Variants in CNOT6 observed in about 807,000 individuals in gnomAD.
The protein encoded by CNOT6 is carbon catabolite repression 4 protein.
A neutral mutation model predicts 61.2 loss-of-function variants in CNOT6; 12 were observed. The observed-to-expected ratio is 0.20, with a 90% CI of 0.13 to 0.32. CNOT6 has a LOEUF of 0.32. CNOT6 is among the 10% of genes least tolerant of loss of function. The probability of loss-of-function intolerance (pLI) is 1.00; values close to 1 mark genes in which losing one functional copy is unlikely to be tolerated. For synonymous variants in CNOT6, 225 were observed against 240.6 expected (o/e 0.94, Z 0.60); for missense variants, 405 against 663.9 (o/e 0.61, Z 4.28).
intron 1 of CNOT6, among the ~76,000 whole-genome samples, chr5:180,518,336 C>G (rs6899301): frequency 0.17 from 25,696 of 151,984 alleles, 2,273 homozygotes; most frequent in Non-Finnish European, 0.19. Context: ...TTTGATTGGC[C>G]ATTTTACAAA....
chr5:180,553,318 A>G (rs1759713942), intron 3 of CNOT6, 68 bp from the exon 4 acceptor site: 5 of 1,058,482 alleles, frequency 4.7e-6, no homozygotes, highest in Non-Finnish European at 7.3e-6. Flanking sequence ...CCTAGAAACT[A>G]TGTTGTTGAT....
At chr5:180,563,388 TTG>T (rs1760289278) in intron 4 of CNOT6, among the ~76,000 whole-genome samples, 4 of 42,726 alleles carry the variant, frequency 9.4e-5, no homozygotes, top group Admixed American at 3.2e-4. Context: ...CTGTTTTTTT[TTG>T]TTTGTTTTTG....
At chr5:180,502,970 T>C (rs1174262462) in intron 1 of CNOT6, among the ~76,000 whole-genome samples, 1 of 152,214 alleles carries the variant, frequency 6.6e-6, no homozygotes, top group Non-Finnish European at 1.5e-5. Context: ...ATTATGACAA[T>C]GATAACTATA....
Position 180,522,256 on chromosome 5 carries a change from T to C in CNOT6, c.-2-7019T>C, listed in dbSNP as rs558938868. ...CCTCCCAAGTAGCTGGGACCACAGG[T>C]ACATGCCACCATGCTGGCTAATTTT... On this transcript the variant is annotated intron_variant, in intron 1 of 11. Transcript: ENST00000261951. Among the ~76,000 whole-genome samples the C allele has an allele frequency of 2.0e-5, 3 of 152,146 alleles. No homozygotes were observed. The South Asian group carries it at 6.2e-4, about 32-fold the overall frequency.
At chr5:180,540,003 A>AACTT (rs1237724073) in intron 2 of CNOT6, among the ~76,000 whole-genome samples, 116 of 152,138 alleles carry the variant, frequency 7.6e-4, no homozygotes, top group African/African-American at 2.7e-3. Flanking sequence ...CAACTGTGGG[A>AACTT]ACTTGCTTTC....
chr5:180,513,191 C>G (rs957011552), intron 1 of CNOT6, among the ~76,000 whole-genome samples: 4 of 151,682 alleles, frequency 2.6e-5, no homozygotes, highest in African/African-American at 9.7e-5. Context: ...GCCACTGCAC[C>G]CGGCCATTTA....
intron 1 of CNOT6, among the ~76,000 whole-genome samples, chr5:180,518,433 C>A (rs1447882613): frequency 6.6e-6 from 1 of 151,586 alleles, no homozygotes; most frequent in Non-Finnish European, 1.5e-5. Context: ...TGCAACACTT[C>A]AGTAGATAGA....
chr5:180,549,118 A>G (rs1759461829), intron 2 of CNOT6, among the ~76,000 whole-genome samples: 1 of 152,172 alleles, frequency 6.6e-6, no homozygotes, highest in Non-Finnish European at 1.5e-5. Context: ...CTGCTTAGCC[A>G]TGTGGTTCTT....
intron 2 of CNOT6, among the ~76,000 whole-genome samples, chr5:180,537,533 G>A (rs1301935267): frequency 6.6e-6 from 1 of 151,910 alleles, no homozygotes; most frequent in Non-Finnish European, 1.5e-5. Context: ...ATGCGGATAT[G>A]TCTTTTGCAA....
intron 4 of CNOT6, among the ~76,000 whole-genome samples, chr5:180,553,715 C>T (rs2127748881): frequency 6.6e-6 from 1 of 152,072 alleles, no homozygotes; most frequent in Admixed American, 6.5e-5. Flanking sequence ...TTTAATAAAC[C>T]CTGTGTTCTG....
chr5:180,570,117 G>C (rs1760669165), intron 10 of CNOT6, among the ~76,000 whole-genome samples: 1 of 152,136 alleles, frequency 6.6e-6, no homozygotes, highest in Admixed American at 6.6e-5. Context: ...CAGCACTTTG[G>C]GGGGCCCAGG....
chr5:180,568,147 A>G (rs1025874223), intron 9 of CNOT6, 144 bp downstream of exon 9: 40 of 721,540 alleles, frequency 5.5e-5, no homozygotes, highest in Non-Finnish European at 7.7e-5. Flanking sequence ...CCTAAAATGT[A>G]TCTCTTTTTC....
chr5:180,539,324 A>AT (rs1758893462), intron 2 of CNOT6, among the ~76,000 whole-genome samples: 1 of 151,414 alleles, frequency 6.6e-6, no homozygotes. Flanking sequence ...CTCCTCCTTA[A>AT]ATTTTTTTTT....
chr5:180,558,955 A>C (rs1324451376), intron 4 of CNOT6, among the ~76,000 whole-genome samples: 1 of 152,184 alleles, frequency 6.6e-6, no homozygotes, highest in Non-Finnish European at 1.5e-5. Context: ...TCGATTTTTA[A>C]TATGATTTCA....
At chr5:180,515,795 T>A (rs558901289) in intron 1 of CNOT6, among the ~76,000 whole-genome samples, 1 of 152,296 alleles carries the variant, frequency 6.6e-6, no homozygotes, top group Non-Finnish European at 1.5e-5. Context: ...CCTCTGTTGC[T>A]CTTTGTTTTC....
chr5:180,572,792 G>C (rs1760817869), intron 11 of CNOT6, among the ~76,000 whole-genome samples: 2 of 151,952 alleles, frequency 1.3e-5, no homozygotes, highest in African/African-American at 4.8e-5. Flanking sequence ...CTGGCCTCAA[G>C]CAATCCTCCT....
chr5:180,541,583 C>T (rs1759045722), intron 2 of CNOT6, among the ~76,000 whole-genome samples: 1 of 150,580 alleles, frequency 6.6e-6, no homozygotes, highest in African/African-American at 2.4e-5. Flanking sequence ...TCCCGAGTAG[C>T]TGGGACTAAC....
chr5:180,532,796 A>C (rs765648221), intron 2 of CNOT6, among the ~76,000 whole-genome samples: 1 of 152,066 alleles, frequency 6.6e-6, no homozygotes, highest in Admixed American at 6.5e-5. Flanking sequence ...GGGTTCAGTT[A>C]ATTTGCTGGA....
chr5:180,572,690 C>G (rs143610422), intron 11 of CNOT6, among the ~76,000 whole-genome samples: 1 of 151,976 alleles, frequency 6.6e-6, no homozygotes, highest in African/African-American at 2.4e-5. Context: ...ACTTGGACTA[C>G]AGGTGTCCGC....
Sources: allele counts gnomAD v4.1 joint callset (sites outside exome capture counted in the v4.1 genomes callset), GRCh38; gene constraint gnomAD v4.1.1; transcripts MANE v1.5; gene names NCBI Gene and HGNC (gene_info 2026-07-23, HGNC 2026-07-21).